The following KLHL29 variants were observed in gnomAD, a reference collection of about 807,000 sequenced individuals.
The protein encoded by KLHL29 is kelch-like protein 29.
In KLHL29, 21 loss-of-function variants were observed where a neutral mutation model predicts 80.4. The ratio of observed to expected loss-of-function variants is 0.26; its 90% CI spans 0.19 to 0.38. KLHL29 has a LOEUF of 0.38. Among genes scored for constraint, KLHL29 ranks in the 10% least tolerant of loss-of-function variants. KLHL29 has a pLI of 1.00. For missense variants in KLHL29, 867 were observed against 1,223.9 expected (o/e 0.71, Z 4.35); for synonymous variants, 511 against 526.8 (o/e 0.97, Z 0.41).
chr2:23,510,449 G>GTGGTGA (rs930906685), intron 2 of KLHL29, among the ~76,000 whole-genome samples: 1 of 152,222 alleles, frequency 6.6e-6, no homozygotes, highest in Admixed American at 6.5e-5. Flanking sequence ...AGCCATGGTG[G>GTGGTGA]TGGTGATGGT....
At chr2:23,659,324 A>G (rs1463002064) in intron 5 of KLHL29, among the ~76,000 whole-genome samples, 5 of 152,286 alleles carry the variant, frequency 3.3e-5, no homozygotes, top group African/African-American at 1.2e-4. Context: ...TTTAATTCTT[A>G]CAACTCTGAA....
intron 3 of KLHL29, among the ~76,000 whole-genome samples, chr2:23,587,451 C>G (rs913382393): frequency 2.6e-5 from 4 of 152,076 alleles, no homozygotes; most frequent in African/African-American, 9.7e-5. Context: ...AGCCCTCGTA[C>G]ATGGAAATAT....
At chr2:23,580,245 G>A (rs540011079) in intron 3 of KLHL29, among the ~76,000 whole-genome samples, 22 of 152,112 alleles carry the variant, frequency 1.4e-4, no homozygotes, top group South Asian at 6.2e-4. Flanking sequence ...GGTGGCAGGC[G>A]CCTGTAGTCC....
chr2:23,660,027 C>T (rs1348677694), intron 5 of KLHL29, among the ~76,000 whole-genome samples: 2 of 152,264 alleles, frequency 1.3e-5, no homozygotes, highest in Non-Finnish European at 1.5e-5. Context: ...GCCCCTCACA[C>T]CACCCCTATC....
intron 3 of KLHL29, among the ~76,000 whole-genome samples, chr2:23,608,068 C>T (rs1242502688): frequency 6.6e-6 from 1 of 152,188 alleles, no homozygotes; most frequent in Non-Finnish European, 1.5e-5. Flanking sequence ...GGGTGATTCT[C>T]CAGCCTACAG....
At chr2:23,702,498 C>T (rs1184864970) in intron 11 of KLHL29, among the ~76,000 whole-genome samples, 1 of 152,172 alleles carries the variant, frequency 6.6e-6, no homozygotes, top group African/African-American at 2.4e-5. Flanking sequence ...TCCCAAAATG[C>T]CACCTTTGCC....
intron 2 of KLHL29, among the ~76,000 whole-genome samples, chr2:23,495,241 G>C (rs1353013039): frequency 6.6e-6 from 1 of 152,084 alleles, no homozygotes; most frequent in Non-Finnish European, 1.5e-5. Flanking sequence ...TGCAGGAGGT[G>C]GTCCCTGTAG....
At chr2:23,614,605 G>A (rs898923306) in intron 3 of KLHL29, among the ~76,000 whole-genome samples, 8 of 152,184 alleles carry the variant, frequency 5.3e-5, no homozygotes, top group Admixed American at 5.2e-4. Flanking sequence ...TAGGGAATAT[G>A]CGTTCTTCAG....
chr2:23,581,699 G>A (rs1410430911), intron 3 of KLHL29, among the ~76,000 whole-genome samples: 11 of 151,800 alleles, frequency 7.2e-5, no homozygotes, highest in East Asian at 3.9e-4. Context: ...GTGGTAGTGC[G>A]TACCTGTAAT....
intron 2 of KLHL29, among the ~76,000 whole-genome samples, chr2:23,538,141 A>G (rs915384380): frequency 6.6e-6 from 1 of 152,222 alleles, no homozygotes; most frequent in Non-Finnish European, 1.5e-5. Context: ...ACCAATAAGT[A>G]GCAGAACTAG....
At chr2:23,616,015 A>C (rs1259436712) in intron 3 of KLHL29, among the ~76,000 whole-genome samples, 1 of 152,022 alleles carries the variant, frequency 6.6e-6, no homozygotes, top group Non-Finnish European at 1.5e-5. Flanking sequence ...CTCCTAAGGG[A>C]CCCAAGGGTC....
At chr2:23,575,717 C>T (rs1458527474) in intron 3 of KLHL29, among the ~76,000 whole-genome samples, 3 of 152,164 alleles carry the variant, frequency 2.0e-5, no homozygotes, top group African/African-American at 7.2e-5. Context: ...GCAGAAACAG[C>T]CCCTGCTTTG....
At chr2:23,494,901 C>G (rs1665212784) in intron 2 of KLHL29, among the ~76,000 whole-genome samples, 1 of 152,196 alleles carries the variant, frequency 6.6e-6, no homozygotes, top group African/African-American at 2.4e-5. Flanking sequence ...ATTGCAGTAT[C>G]CTGGTCTTGA....
intron 3 of KLHL29, among the ~76,000 whole-genome samples, chr2:23,597,307 A>ATGTGTGTG (rs1454960849): frequency 0.026 from 2,808 of 106,248 alleles, 53 homozygotes; most frequent in Non-Finnish European, 0.035. Context: ...ATATATATAT[A>ATGTGTGTG]TATGTGTGTG....
intron 2 of KLHL29, among the ~76,000 whole-genome samples, chr2:23,552,473 T>C (rs1667154349): frequency 6.6e-6 from 1 of 152,182 alleles, no homozygotes; most frequent in South Asian, 2.1e-4. Context: ...TCCTGGCCAC[T>C]GTGGGGTGTT....
intron 3 of KLHL29, among the ~76,000 whole-genome samples, chr2:23,590,681 T>A (rs1255933771): frequency 6.6e-6 from 1 of 152,100 alleles, no homozygotes; most frequent in Non-Finnish European, 1.5e-5. Flanking sequence ...GCTTCTGAAG[T>A]CCAGGCCACC....
intron 2 of KLHL29, among the ~76,000 whole-genome samples, chr2:23,484,918 C>T (rs556840798): frequency 1.0e-3 from 157 of 152,280 alleles, no homozygotes; most frequent in African/African-American, 3.4e-3. Context: ...CTTCCAGAAG[C>T]GCCTCTCCCA....
intron 1 of KLHL29, among the ~76,000 whole-genome samples, chr2:23,463,298 G>C (rs1435656035): frequency 1.3e-5 from 2 of 151,198 alleles, no homozygotes; most frequent in East Asian, 3.9e-4. Flanking sequence ...TCTTGTTAAA[G>C]TGACCTTCAA....
At chr2:23,402,149 C>G (rs1012407987) in intron 1 of KLHL29, among the ~76,000 whole-genome samples, 2 of 152,092 alleles carry the variant, frequency 1.3e-5, no homozygotes, top group Non-Finnish European at 2.9e-5. Flanking sequence ...CATCGAGGAC[C>G]GGCAGGAGGA....
Sources: gnomAD v4.1 joint callset for allele counts (sites outside exome capture counted in the v4.1 genomes callset) on GRCh38, gnomAD v4.1.1 for gene constraint, MANE v1.5 for transcripts, NCBI Gene and HGNC (gene_info 2026-07-23, HGNC 2026-07-21) for gene names.